The following ATP8A2 variants were observed in gnomAD, a reference collection of about 807,000 sequenced individuals.
ATP8A2 encodes ATPase phospholipid transporting 8A2.
A neutral mutation model predicts 165.6 loss-of-function variants in ATP8A2; 100 were observed. The observed-to-expected ratio is 0.60, with a 90% CI of 0.51 to 0.71. The LOEUF (loss-of-function observed/expected upper bound fraction) is 0.71, where lower values mean the gene tolerates loss of function less well. ATP8A2 is among the 30% of genes least tolerant of loss of function. The probability of loss-of-function intolerance (pLI) is 0.00; values close to 1 mark genes in which losing one functional copy is unlikely to be tolerated. For missense variants in ATP8A2, 1,227 were observed against 1,479.5 expected, an observed-to-expected ratio of 0.83 and a Z score of 2.80; for synonymous variants, 543 against 548.8, an observed-to-expected ratio of 0.99 and a Z score of 0.15.
intron 25 of ATP8A2, among the ~76,000 whole-genome samples, chr13:25,749,444 G>C (rs1016149709): frequency 4.6e-5 from 7 of 152,202 alleles, no homozygotes; most frequent in Non-Finnish European, 8.8e-5. Flanking sequence ...CCAGATGCGA[G>C]GGAGTTTGCG....
In ATP8A2 at chr13:25,512,107, C is replaced by T. The variant is rs576553565; in HGVS notation, c.222-17892C>T. 1.3e-4 allele frequency among the ~76,000 whole-genome samples: 19 copies of T among 151,724 alleles called. No homozygotes were observed. In the East Asian group the frequency reaches 3.7e-3, roughly 29 times the overall value. On this transcript the variant is annotated intron_variant, in intron 2 of 36. Transcript: ENST00000381655. ...TGACTCTTAAGGAGCATGCTGCCTT[C>T]AAGCATCTGTTTAACAAAGCACATC...
chr13:25,773,204 G>T (rs2044664212), intron 26 of ATP8A2, among the ~76,000 whole-genome samples: 1 of 152,170 alleles, frequency 6.6e-6, no homozygotes, highest in Non-Finnish European at 1.5e-5. Flanking sequence ...TGGACTTACT[G>T]ACACTCTGAC....
intron 27 of ATP8A2, among the ~76,000 whole-genome samples, chr13:25,805,580 T>C (rs1451375044): frequency 5.9e-5 from 9 of 152,190 alleles, no homozygotes; most frequent in Admixed American, 4.6e-4. Context: ...AAAGCTGTAG[T>C]ATGTATAATT....
Position 25,427,394 on chromosome 13 carries a change from T to C in ATP8A2, c.77-41583T>C, listed in dbSNP as rs2034481573. 2.6e-5 allele frequency among the ~76,000 whole-genome samples: 4 copies of C among 152,174 alleles called. No homozygotes were observed. The South Asian group carries it at 8.3e-4, about 32-fold the overall frequency. On this transcript the variant is annotated intron_variant, in intron 1 of 36. Transcript: ENST00000381655. ...TTCTACATTATGGTGATTTGCATAATTAATTCATTATATATCACAATGTAA... is the reference window on the plus strand; with the variant it reads ...TTCTACATTATGGTGATTTGCATAACTAATTCATTATATATCACAATGTAA...
chr13:25,480,531 A>T (rs562543133), intron 2 of ATP8A2, among the ~76,000 whole-genome samples: 1 of 134,310 alleles, frequency 7.4e-6, no homozygotes, highest in Admixed American at 7.3e-5. Flanking sequence ...CGGCGGGGCA[A>T]AGGCGCTCCC....
chr13:25,527,977 A>C (rs2037895731), intron 2 of ATP8A2, among the ~76,000 whole-genome samples: 1 of 152,192 alleles, frequency 6.6e-6, no homozygotes, highest in African/African-American at 2.4e-5. Flanking sequence ...TTTTGCTGAC[A>C]AATGTTGATT....
rs140461592 is a variant in ATP8A2, at chr13:26,019,673, G to A, written c.3470-215G>A. 5.6e-3 allele frequency among the ~76,000 whole-genome samples: 850 copies of A among 152,282 alleles called. 4 individuals carry two copies. Among genetic ancestry groups the A allele is most frequent in the African/African-American group, 0.019 (783 of 41,568 alleles). On this transcript the variant is annotated intron_variant, in intron 36 of 36. Transcript: ENST00000381655. The stretch of plus-strand genomic sequence containing the variant: ...AGGCTTTCCCTTCCCAGCATCAGCA[G>A]CTAGAACCATGGGACCCCAGTTAGC...
At chr13:25,937,362 C>CTTTTTTTTTTTTTTTTTTTT (rs1555293658) in intron 33 of ATP8A2, among the ~76,000 whole-genome samples, 1 of 38,798 alleles carries the variant, frequency 2.6e-5, no homozygotes, top group African/African-American at 6.8e-5. Flanking sequence ...TTCTTTCTTT[C>CTTTTTTTTTTTTTTTTTTTT]TTTTTTTTTT....
intron 33 of ATP8A2, among the ~76,000 whole-genome samples, chr13:25,951,948 G>T (rs1193205257): frequency 2.6e-5 from 4 of 152,206 alleles, no homozygotes; most frequent in African/African-American, 9.6e-5. Flanking sequence ...TAAGTTGGCA[G>T]ATTTTTGTGC....
chr13:25,678,251 A>G (rs2137790895), intron 24 of ATP8A2, among the ~76,000 whole-genome samples: 1 of 152,262 alleles, frequency 6.6e-6, no homozygotes, highest in East Asian at 1.9e-4. Context: ...GTTGTGGAGT[A>G]TGGGGGAAAA....
chr13:25,417,904 T>G (rs1386159688), intron 1 of ATP8A2, among the ~76,000 whole-genome samples: 5 of 152,230 alleles, frequency 3.3e-5, no homozygotes, highest in Admixed American at 3.3e-4. Flanking sequence ...AGTTTTACTG[T>G]GGAATCAGTT....
intron 7 of ATP8A2, among the ~76,000 whole-genome samples, chr13:25,539,089 G>A: frequency 8.4e-6 from 1 of 119,384 alleles, no homozygotes; most frequent in South Asian, 2.5e-4. Context: ...GTGTGTGTGT[G>A]TGTGTGTGTG....
At chr13:25,844,227 C>T (rs1040044054) in intron 30 of ATP8A2, among the ~76,000 whole-genome samples, 12 of 137,106 alleles carry the variant, frequency 8.8e-5, no homozygotes, top group African/African-American at 3.1e-4. Flanking sequence ...CAAGTGAATT[C>T]TTATTACACT....
intron 33 of ATP8A2, chr13:25,871,093 G>A (rs761254229): frequency 3.8e-6 from 1 of 263,308 alleles, no homozygotes; most frequent in Admixed American, 5.4e-5. Context: ...TAGAGGCCCC[G>A]CGGCTTTGAT....
At chr13:25,749,459 A>G (rs1336316173) in intron 25 of ATP8A2, among the ~76,000 whole-genome samples, 1 of 152,170 alleles carries the variant, frequency 6.6e-6, no homozygotes, top group East Asian at 1.9e-4. Context: ...TTTGCGGTGC[A>G]GGTTTTGTCT....
intron 1 of ATP8A2, among the ~76,000 whole-genome samples, chr13:25,398,821 A>C (rs1464361049): frequency 6.6e-6 from 1 of 152,174 alleles, no homozygotes; most frequent in Non-Finnish European, 1.5e-5. Flanking sequence ...CATCCTTCTC[A>C]CCAGGTATGA....
At chr13:25,560,591 T>G (rs1351225145) in intron 15 of ATP8A2, among the ~76,000 whole-genome samples, 1 of 147,918 alleles carries the variant, frequency 6.8e-6, no homozygotes, top group Admixed American at 6.8e-5. Flanking sequence ...TCTCAGCTAC[T>G]CGGGAGGCTG....
chr13:25,830,745 T>G (rs1470192292), intron 28 of ATP8A2, among the ~76,000 whole-genome samples: 1 of 152,246 alleles, frequency 6.6e-6, no homozygotes, highest in Non-Finnish European at 1.5e-5. Flanking sequence ...TTCTCCATAC[T>G]TGTACGCATG....
intron 33 of ATP8A2, among the ~76,000 whole-genome samples, chr13:25,957,106 A>G (rs772314046): frequency 2.0e-5 from 3 of 152,230 alleles, no homozygotes; most frequent in South Asian, 2.1e-4. Flanking sequence ...CTCACACCTT[A>G]TACAAAAAAT....
Sources: allele counts gnomAD v4.1 joint callset (sites outside exome capture counted in the v4.1 genomes callset), GRCh38; gene constraint gnomAD v4.1.1; transcripts MANE v1.5; gene names NCBI Gene and HGNC (gene_info 2026-07-23, HGNC 2026-07-21).